TENT5D: variants seen among roughly 807,000 people sequenced by gnomAD.
TENT5D encodes the protein terminal nucleotidyltransferase 5D.
For synonymous variants in TENT5D, 103 were observed against 100.6 expected, an observed-to-expected ratio of 1.02 and a Z score of -0.15; for missense variants, 191 against 287.0, an observed-to-expected ratio of 0.67 and a Z score of 2.42.
chrX:80,404,919 A>C (rs1325019919), intron 3 of TENT5D, among the ~76,000 whole-genome samples: 1 of 112,375 alleles, frequency 8.9e-6, no homozygotes, highest in Non-Finnish European at 1.9e-5. Flanking sequence ...CATAGGAATT[A>C]TTTCAATAAA....
At chrX:80,415,127 T>C (rs1931743358) in intron 3 of TENT5D, among the ~76,000 whole-genome samples, 2 of 111,864 alleles carry the variant, frequency 1.8e-5, no homozygotes, top group African/African-American at 6.5e-5. Context: ...CTACTGATTT[T>C]CATACATTAG....
At chrX:80,391,733 TA>T (rs1424907379) in intron 3 of TENT5D, among the ~76,000 whole-genome samples, 1 of 112,599 alleles carries the variant, frequency 8.9e-6, no homozygotes, top group Non-Finnish European at 1.9e-5. Context: ...AAAGTGGTGG[TA>T]AAAAGTATAT....
At chrX:80,378,691 A>G (rs979405317) in intron 3 of TENT5D, among the ~76,000 whole-genome samples, 1 of 111,198 alleles carries the variant, frequency 9.0e-6, no homozygotes, top group Admixed American at 9.6e-5. Context: ...GCCTTGTAGT[A>G]TAGCTTGAAG....
At chrX:80,352,720 C>CAAAAAAAAA (rs1189877322) in intron 3 of TENT5D, among the ~76,000 whole-genome samples, 11 of 19,901 alleles carry the variant, frequency 5.5e-4, no homozygotes, top group African/African-American at 7.0e-4. Context: ...AGCAAACAAA[C>CAAAAAAAAA]AAAAAAAAAA....
At chrX:80,421,845 T>C (rs1931889800) in intron 1 of TENT5D, among the ~76,000 whole-genome samples, 1 of 111,166 alleles carries the variant, frequency 9.0e-6, no homozygotes, top group African/African-American at 3.3e-5. Flanking sequence ...ATGCCACGTC[T>C]TTCAGCAAAA....
chrX:80,390,246 A>G (rs930199187), intron 3 of TENT5D, among the ~76,000 whole-genome samples: 1 of 111,733 alleles, frequency 8.9e-6, no homozygotes, highest in African/African-American at 3.3e-5. Context: ...TTGAAGCATT[A>G]GGAGAGAGGA....
intron 2 of TENT5D, among the ~76,000 whole-genome samples, 169 bp downstream of exon 2, chrX:80,438,901 T>A (rs6652954): frequency 0.01 from 1,168 of 111,450 alleles, 24 homozygotes; most frequent in African/African-American, 0.036. Flanking sequence ...ATTCATAGTC[T>A]TTTGTGATAT....
chrX:80,428,225 TAGCAGCAAAGCTTGATATTTGAGGAG>T (rs1343212308), intron 1 of TENT5D, among the ~76,000 whole-genome samples: 1 of 112,047 alleles, frequency 8.9e-6, no homozygotes. Context: ...CAGATCACTC[TAGCAGCAAAGCTTGATATTTGAGGAG>T]GTGATTGTCT....
chrX:80,433,292 G>A (rs1932122117), intron 1 of TENT5D, among the ~76,000 whole-genome samples: 1 of 112,030 alleles, frequency 8.9e-6, no homozygotes. Flanking sequence ...TCATCTGAGT[G>A]GGCCAGAGGT....
At chrX:80,336,061 C>T (rs1408283400) in intron 2 of TENT5D, among the ~76,000 whole-genome samples, 2 of 110,232 alleles carry the variant, frequency 1.8e-5, no homozygotes, top group Non-Finnish European at 3.8e-5. Context: ...GAAGGGCATC[C>T]TGGGAATTGT....
chrX:80,397,279 C>G lies in TENT5D; in HGVS notation c.-141-41331C>G, dbSNP rs1931289218. On this transcript the variant is annotated intron_variant, in intron 3 of 4. Transcript: ENST00000538312. ...GTCGCAGCTGGGCAGAGGCGCTCCT[C>G]ACATCCCAGACGGGGTGGCGGGGCA... Among the ~76,000 whole-genome samples the G allele has an allele frequency of 2.8e-5, 3 of 108,290 alleles. No individual in the cohort carries two copies. In the Admixed American group the frequency reaches 2.9e-4, roughly 10 times the overall value. The allele number at this position is 108,290 out of a possible 115,157, so 94.0% of individuals were successfully genotyped here. A position where few individuals can be genotyped will look rare whatever the true frequency, so the allele number is the denominator to read the frequency against.
chrX:80,413,523 G>T (rs1329094828), intron 3 of TENT5D, among the ~76,000 whole-genome samples: 1 of 111,617 alleles, frequency 9.0e-6, no homozygotes, highest in East Asian at 2.8e-4. Context: ...GGACCCAGGG[G>T]GAGGTAATTG....
At chrX:80,416,299 G>A (rs1383028030), upstream of TENT5D, among the ~76,000 whole-genome samples, 1 of 88,763 alleles carries the variant, frequency 1.1e-5, no homozygotes, top group Non-Finnish European at 2.1e-5. Flanking sequence ...ATTTCCTTCA[G>A]TTCGGCTGTG....
chrX:80,367,904 G>GA (rs893628239), intron 3 of TENT5D, among the ~76,000 whole-genome samples: 4 of 111,035 alleles, frequency 3.6e-5, no homozygotes, highest in African/African-American at 6.5e-5. Context: ...AAAGTAGTTA[G>GA]AAAAAATGAG....
intron 3 of TENT5D, among the ~76,000 whole-genome samples, chrX:80,378,491 C>A (rs1930780376): frequency 9.0e-6 from 1 of 111,391 alleles, no homozygotes; most frequent in Admixed American, 9.6e-5. Flanking sequence ...ATAGGACATC[C>A]TTTCCCCATT....
rs1237241638 is a variant in TENT5D at position 80,355,811 on chromosome X, G to A, written c.-142+13247G>A. Among the ~76,000 whole-genome samples, 4 of 111,775 alleles carry A rather than the reference G, an allele frequency of 3.6e-5. No homozygotes were observed. In the South Asian group the frequency reaches 1.5e-3, roughly 42 times the overall value. ...TACATTCTTTCCAAAGATCCGTTAG[G>A]AGTGGGCCAGTCTACTTGATGCTGT... is the stretch of plus-strand genomic sequence containing the variant. On this transcript the variant is annotated intron_variant, in intron 3 of 4. Transcript: ENST00000538312.
chrX:80,406,292 A>G (rs1267886863), intron 3 of TENT5D, among the ~76,000 whole-genome samples: 2 of 110,936 alleles, frequency 1.8e-5, no homozygotes, highest in Admixed American at 1.9e-4. Context: ...TCAGACAATC[A>G]AATTACTCTG....
chrX:80,422,311 A>G (rs1289593868), intron 1 of TENT5D, among the ~76,000 whole-genome samples: 8 of 110,822 alleles, frequency 7.2e-5, no homozygotes, highest in South Asian at 3.9e-4. Flanking sequence ...CGTCTCTACT[A>G]AAAATACAAA....
At chrX:80,418,868 C>G (rs1183612464), upstream of TENT5D, among the ~76,000 whole-genome samples, 1 of 110,937 alleles carries the variant, frequency 9.0e-6, no homozygotes, top group Non-Finnish European at 1.9e-5. Context: ...TTCCAATAAC[C>G]CTTGCTTGTA....
Sources: gnomAD v4.1 joint callset for allele counts (sites outside exome capture counted in the v4.1 genomes callset) on GRCh38, gnomAD v4.1.1 for gene constraint, MANE v1.5 for transcripts, NCBI Gene and HGNC (gene_info 2026-07-23, HGNC 2026-07-21) for gene names.